AHNAK: variants seen among roughly 807,000 people sequenced by gnomAD.
The protein encoded by AHNAK is AHNAK nucleoprotein, also known as neuroblast differentiation-associated protein AHNAK.
A neutral mutation model predicts 37.8 loss-of-function variants in AHNAK; 23 were observed. The ratio of observed to expected loss-of-function variants is 0.61; its 90% CI spans 0.44 to 0.86. AHNAK has a LOEUF of 0.86. Ranked by LOEUF, AHNAK falls within the 40% of genes least tolerant of loss-of-function variation. The pLI, the probability that AHNAK is intolerant of heterozygous loss-of-function variation, is 0.00. For synonymous variants in AHNAK, 2,481 were observed against 2,636.3 expected, an observed-to-expected ratio of 0.94 and a Z score of 1.80; for missense variants, 7,411 against 7,319.4, an observed-to-expected ratio of 1.01 and a Z score of -0.46.
Position 62,528,136 on chromosome 11 carries a change from T to G in AHNAK, c.6281A>C (p.Glu2094Ala), listed in dbSNP as rs1940574020. 1.2e-6 allele frequency: 2 copies of G among 1,612,672 alleles called. No homozygotes were observed. Among genetic ancestry groups the G allele is most frequent in the Middle Eastern group, 1.7e-4 (1 of 6,058 alleles). Residue 2094 changes from glutamate to alanine, a missense_variant, in exon 5 of 5, where the codon GAA (glutamate) becomes GCA (alanine). Coordinates refer to ENST00000378024, the MANE Select transcript of AHNAK (RefSeq NM_001620.3). ...VDVEVPDVSL[E>A]GPEGKLKGPK... ...GCCCTTCAGCTTCCCTTCTGGACCT[T>G]CAAGGCTCACATCTGGGACTTCAAC...
intron 5 of AHNAK, among the ~76,000 whole-genome samples, chr11:62,478,832 A>AT (rs1939203157): frequency 6.6e-6 from 1 of 151,746 alleles, no homozygotes; most frequent in African/African-American, 2.4e-5. Context: ...CATTAAAAAA[A>AT]TCCCTCCTAG....
rs779523168 is a variant in AHNAK, at chr11:62,519,851, G to T, written c.14566C>A (p.Leu4856Met). 6.2e-7 allele frequency: 1 copy of T among 1,613,996 alleles called. No individual in the cohort carries two copies. Among genetic ancestry groups the T allele is most frequent in the Admixed American group, 1.7e-5 (1 of 60,012 alleles). ...TTTACTTTGGGTCCTTTCAAATCCA[G>T]GTCAACATCAGGTATGGAGATCTTG... ...APKISIPDVD[L>M]DLKGPKVKGD... Residue 4856 changes from leucine (L) to methionine (M), a missense_variant, in exon 5 of 5, where the codon CTG becomes ATG. Transcript: ENST00000378024.
intron 5 of AHNAK, among the ~76,000 whole-genome samples, chr11:62,458,565 C>A (rs978157987): frequency 1.3e-5 from 2 of 152,212 alleles, no homozygotes; most frequent in African/African-American, 4.8e-5. Flanking sequence ...TACTAAATTA[C>A]TTTGGAGGGT....
intron 5 of AHNAK, among the ~76,000 whole-genome samples, chr11:62,463,581 C>T (rs1938837482): frequency 6.6e-6 from 1 of 152,132 alleles, no homozygotes; most frequent in South Asian, 2.1e-4. Context: ...CCTCCATCAA[C>T]ACTTCCATTT....
At position 62,527,657 on chromosome 11, in the gene AHNAK, G is replaced by C. The variant is rs770287285; in HGVS notation, c.6760C>G (p.Pro2254Ala). The stretch of plus-strand genomic sequence containing the variant: ...TCTGGGCCCTCTCCTTTGAAGCCAG[G>C]CATGCTGAACTTGGGCATTTTCATC... Reference protein sequence around the residue: ...PKMKMPKFSMPGFKGEGPEVD... With the variant: ...PKMKMPKFSMAGFKGEGPEVD... The change falls in exon 5 of 5, where the codon CCT becomes GCT. Residue 2254 changes from proline to alanine, a missense_variant. By Grantham distance (27) the Pro-to-Ala change is conservative. Transcript: ENST00000378024. The C allele has an allele frequency of 4.5e-5, 73 of 1,613,936 alleles. No individual in the cohort carries two copies. Among genetic ancestry groups the C allele is most frequent in the Non-Finnish European group, 5.2e-5 (61 of 1,180,018 alleles).
exon 6 of AHNAK, chr11:62,433,573 G>A (rs1938091203): frequency 2.4e-6 from 1 of 421,596 alleles, no homozygotes; most frequent in Non-Finnish European, 4.2e-6. Context: ...TTGGATAAAC[G>A]AGCGAAGGAT....
rs151316307 is a variant in AHNAK at position 62,531,021 on chromosome 11, G to C, written c.3396C>G (p.Pro1132=). The change falls in exon 5 of 5, where the codon CCC becomes CCG. Residue 1132 remains proline (P), a synonymous_variant. Transcript: ENST00000378024. ...CTTTGAGGCTGGGCATGCTGAACTTGGGCATTTTCATCTTGGGTATTTTCA... is the reference window on the plus strand; with the variant it reads ...CTTTGAGGCTGGGCATGCTGAACTTCGGCATTTTCATCTTGGGTATTTTCA... ...WSLKIPKMKM[P]KFSMPSLKGE... is the part of the protein sequence containing the mutation. 2.3e-4 allele frequency: 373 copies of C among 1,614,008 alleles called. 1 individual carries two copies. In the African/African-American group the frequency reaches 4.7e-3, roughly 20 times the overall value.
In AHNAK at chr11:62,516,789, G is replaced by A; in HGVS notation, c.17628C>T (p.Ile5876=). The A allele has an allele frequency of 1.2e-6, 2 of 1,613,338 alleles. No individual in the cohort carries two copies. Among genetic ancestry groups the A allele is most frequent in the Non-Finnish European group, 1.7e-6 (2 of 1,179,772 alleles). The change falls in exon 5 of 5, where the codon ATC becomes ATT. Residue 5876 remains isoleucine (I), a synonymous_variant. Transcript: ENST00000378024. The part of the protein sequence containing the change: ...SSNDSGNKVG[I]QLPEVELSVS... ...CTGACAGCTCCACCTCGGGAAGCTG[G>A]ATGCCAACCTTATTCCCACTGTCAT...
Position 62,533,901 on chromosome 11 carries a change from G to A in AHNAK, c.516C>T (p.Asp172=), listed in dbSNP as rs1275888901. 3.1e-6 allele frequency: 5 copies of A among 1,614,192 alleles called. No homozygotes were observed. The highest frequency in any genetic ancestry group is 2.2e-5 in the East Asian group (1 of 44,884). The change falls in exon 5 of 5, where the codon GAC becomes GAT. Residue 172 remains aspartate (D), a synonymous_variant. Coordinates refer to ENST00000378024, the MANE Select transcript of AHNAK (RefSeq NM_001620.3). ...TGAATTCAGGGCTACTGATGTCTAT[G>A]TCCTTGGCTCCTTCCCGGCCAGTCA... ...VDVTGREGAK[D]IDISSPEFKI...
intron 5 of AHNAK, among the ~76,000 whole-genome samples, chr11:62,475,221 C>G (rs1361031933): frequency 6.6e-6 from 1 of 152,062 alleles, no homozygotes; most frequent in African/African-American, 2.4e-5. Context: ...GAGAATTGCT[C>G]AAACCCAAGA....
chr11:62,440,213 C>G (rs59665939), intron 5 of AHNAK, among the ~76,000 whole-genome samples: 52,561 of 151,878 alleles, frequency 0.35, 10,223 homozygotes, highest in East Asian at 0.65. Flanking sequence ...TTCTCAAGCT[C>G]ACAGGGGCCT....
chr11:62,460,683 G>A (rs911565125), intron 5 of AHNAK, among the ~76,000 whole-genome samples: 3 of 152,160 alleles, frequency 2.0e-5, no homozygotes, highest in African/African-American at 7.2e-5. Flanking sequence ...TTGGAAAGCA[G>A]ACAGATAAGG....
In AHNAK at chr11:62,527,714, G is replaced by C; in HGVS notation, c.6703C>G (p.His2235Asp). 1.9e-6 allele frequency: 3 copies of C among 1,614,050 alleles called. No individual in the cohort carries two copies. The highest frequency in any genetic ancestry group is 2.5e-6 in the Non-Finnish European group (3 of 1,180,010). Residue 2235 changes from histidine (H) to aspartate (D), a missense_variant, in exon 5 of 5, where the codon CAT (histidine) becomes GAT (aspartate). Transcript: ENST00000378024. ...ATCTTCAGGTGCCAGTCTGGGCCAT[G>C]AACATCCACATCTGGGGCATCAATG... The part of the protein sequence containing the change: ...VDIDAPDVDV[H>D]GPDWHLKMPK...
Position 62,519,574 on chromosome 11 carries a change from T to C in AHNAK, c.14843A>G (p.Lys4948Arg), listed in dbSNP as rs1193079516. The change falls in exon 5 of 5, where the codon AAA becomes AGA. Residue 4948 changes from lysine (K) to arginine (R), a missense_variant. Coordinates refer to ENST00000378024, the MANE Select transcript of AHNAK (RefSeq NM_001620.3). ...TACATCTAAGCTTGGAGCTTCAACT[T>C]TGGGTCCCTTGAGGTCCACTTCACC... ...EGGEVDLKGP[K>R]VEAPSLDVHM... 13 of 1,611,722 alleles carry C rather than the reference T, an allele frequency of 8.1e-6. No homozygotes were observed. The highest frequency in any genetic ancestry group is 2.2e-5 in the East Asian group (1 of 44,854).
Position 62,533,856 on chromosome 11 carries a change from A to C in AHNAK, c.561T>G (p.His187Gln). The change falls in exon 5 of 5, where the codon CAT becomes CAG. Residue 187 changes from histidine to glutamine, a missense_variant. His to Gln is a conservative substitution (Grantham distance 24). Coordinates refer to ENST00000378024, the MANE Select transcript of AHNAK (RefSeq NM_001620.3). ...SPEFKIKIPR[H>Q]ELTEISNVDV... is the part of the protein sequence containing the mutation. ...CCACATTGGAGATTTCAGTCAGTTC[A>C]TGTCTTGGAATCTTGATCTTGAATT... 1 of 1,614,082 alleles carries C rather than the reference A, an allele frequency of 6.2e-7. No homozygotes were observed. Among genetic ancestry groups the C allele is most frequent in the Non-Finnish European group, 8.5e-7 (1 of 1,180,012 alleles).
At position 62,529,409 on chromosome 11, in the gene AHNAK, C is replaced by T. The variant is rs576378515; in HGVS notation, c.5008G>A (p.Asp1670Asn). ...LHLKGPKVKGDMDVSVPKVEG... is the reference protein window; with the variant it reads ...LHLKGPKVKGNMDVSVPKVEG... The stretch of plus-strand genomic sequence containing the variant: ...ACCTTGGGCACAGACACATCCATAT[C>T]CCCTTTGACTTTGGGGCCTTTCAAG... The change falls in exon 5 of 5, where the codon GAT becomes AAT. Residue 1670 changes from aspartate (D) to asparagine (N), a missense_variant. Coordinates refer to ENST00000378024, the MANE Select transcript of AHNAK (RefSeq NM_001620.3). 2 of 1,614,056 alleles carry T rather than the reference C, an allele frequency of 1.2e-6. No individual in the cohort carries two copies. The highest frequency in any genetic ancestry group is 1.3e-5 in the African/African-American group (1 of 74,972).
chr11:62,506,078 G>A (rs985819812), intron 4 of AHNAK, among the ~76,000 whole-genome samples: 6 of 149,036 alleles, frequency 4.0e-5, no homozygotes, highest in African/African-American at 1.5e-4. Flanking sequence ...GCATGGTGGC[G>A]CACGCCGGTA....
rs1372576671 is a variant in AHNAK at position 62,523,569 on chromosome 11, T to C, written c.10848A>G (p.Lys3616=). The part of the protein sequence containing the change: ...KMPKFSMPGF[K]GEGPEVDVTL... ...TAACATCGACTTCAGGGCCTTCTCC[T>C]TTGAAGCCAGGCATGCTGAACTTGG... The change falls in exon 5 of 5, where the codon AAA becomes AAG. Residue 3616 remains lysine (K), a synonymous_variant. Transcript: ENST00000378024. The C allele has an allele frequency of 1.9e-6, 3 of 1,613,990 alleles. No individual in the cohort carries two copies. Among genetic ancestry groups the C allele is most frequent in the Non-Finnish European group, 2.5e-6 (3 of 1,180,032 alleles).
In AHNAK at chr11:62,519,444, G is replaced by A. The variant is rs151026983; in HGVS notation, c.14973C>T (p.Ile4991=). The A allele has an allele frequency of 1.2e-5, 19 of 1,611,858 alleles. No individual in the cohort carries two copies. The Admixed American group carries it at 2.5e-4, about 21-fold the overall frequency. The change falls in exon 5 of 5, where the codon ATC becomes ATT. Residue 4991 remains isoleucine (I), a synonymous_variant. Transcript: ENST00000378024. Reference sequence around the variant, plus strand: ...CAGTGACATCCAGTGAAGGTGACTTGATGTCAGCTTTGGGGCTTTTTGCCC... The same window carrying A: ...CAGTGACATCCAGTGAAGGTGACTTAATGTCAGCTTTGGGGCTTTTTGCCC... ...GFGAKSPKAD[I]KSPSLDVTVP... is the part of the protein sequence containing the mutation.
Sources: gnomAD v4.1 joint callset for allele counts (sites outside exome capture counted in the v4.1 genomes callset) on GRCh38, gnomAD v4.1.1 for gene constraint, MANE v1.5 for transcripts, NCBI Gene and HGNC (gene_info 2026-07-23, HGNC 2026-07-21) for gene names.